The following PCDH10 variants were observed in gnomAD, a reference collection of about 807,000 sequenced individuals.
PCDH10 encodes the protein protocadherin-10.
PCDH10 carries 15 observed loss-of-function variants against 74.4 expected under a neutral mutation model. That is an observed-to-expected ratio of 0.20 (90% CI 0.13 to 0.31). PCDH10 has a LOEUF of 0.31. Ranked by LOEUF, PCDH10 falls within the 10% of genes least tolerant of loss-of-function variation. PCDH10 has a pLI of 1.00. For missense variants in PCDH10, 1,260 were observed against 1,390.2 expected, an observed-to-expected ratio of 0.91 and a Z score of 1.49; for synonymous variants, 619 against 589.8, an observed-to-expected ratio of 1.05 and a Z score of -0.72.
At chr4:133,162,192 G>A (rs1050802159) in intron 3 of PCDH10, among the ~76,000 whole-genome samples, 5 of 152,080 alleles carry the variant, frequency 3.3e-5, no homozygotes, top group East Asian at 1.9e-4. Context: ...AAGTAATAAC[G>A]TATTTGTCAA....
Position 133,151,233 on chromosome 4 carries a change from G to A in PCDH10, c.1093G>A (p.Glu365Lys), listed in dbSNP as rs200452344. ...AGAGATCAGCTTCAGCACCGTGAAGGAAGCGGTGAGTGAGGGCGCGGCGCC... is the reference window on the plus strand; with the variant it reads ...AGAGATCAGCTTCAGCACCGTGAAGAAAGCGGTGAGTGAGGGCGCGGCGCC... ...APEISFSTVK[E>K]AVSEGAAPGT... is the part of the protein sequence containing the mutation. Residue 365 changes from glutamate to lysine, a missense_variant, in exon 1 of 5, where the codon GAA becomes AAA. By Grantham distance (56) the Glu-to-Lys change is moderately conservative. Transcript: ENST00000264360. The A allele has an allele frequency of 2.4e-5, 39 of 1,614,152 alleles. No individual in the cohort carries two copies. Among genetic ancestry groups the A allele is most frequent in the Non-Finnish European group, 3.3e-5 (39 of 1,180,026 alleles).
chr4:133,168,640 G>C (rs1727137103), intron 4 of PCDH10, among the ~76,000 whole-genome samples: 1 of 151,464 alleles, frequency 6.6e-6, no homozygotes, highest in Non-Finnish European at 1.5e-5. Context: ...GCTAAAATCT[G>C]CTCCAGCTCT....
chr4:133,167,038 A>G (rs1373685551), intron 4 of PCDH10, among the ~76,000 whole-genome samples: 1 of 151,446 alleles, frequency 6.6e-6, no homozygotes, highest in Non-Finnish European at 1.5e-5. Flanking sequence ...TAGTCCAAGT[A>G]TACTAAAAAT....
chr4:133,149,941 T>TAA lies in PCDH10; in HGVS notation c.-192_-191dup. On this transcript the variant is annotated 5_prime_UTR_variant, in exon 1 of 5. The change creates a new upstream start codon in the 5' untranslated region. Transcript: ENST00000264360. The stretch of plus-strand genomic sequence containing the variant: ...CTGTCACCCTTCCTGTGCTAAGATT[T>TAA]AAAAAAAAATGAGGCTGGATTGCGG... 1.6e-6 allele frequency: 1 copy of TAA among 611,940 alleles called. No homozygotes were observed. Among genetic ancestry groups the TAA allele is most frequent in the Non-Finnish European group, 2.5e-6 (1 of 402,296 alleles). 37.9% of individuals were successfully genotyped at this position (611,940 alleles called of 1,614,324 possible). A position where few individuals can be genotyped will look rare whatever the true frequency, so the allele number is the denominator to read the frequency against.
chr4:133,200,977 A>T (rs1727897216), intron 2 of PCDH10, among the ~76,000 whole-genome samples: 1 of 141,864 alleles, frequency 7.0e-6, no homozygotes. Context: ...TTGGCCTAAA[A>T]AACTAAAGAC....
rs185908300 is a variant in PCDH10, at chr4:133,174,530, G to A, written c.3103+11248G>A. Among the ~76,000 whole-genome samples, 382 of 151,742 alleles carry A rather than the reference G, an allele frequency of 2.5e-3. 2 individuals carry two copies. The highest frequency in any genetic ancestry group is 8.7e-3 in the African/African-American group (363 of 41,506). On this transcript the variant is annotated intron_variant, in intron 4 of 4. Transcript: ENST00000264360. ...AAGACAAAATAAAGACATCACTTTTGTAAATTGTTACAAGGTGACAGTTCT... is the reference window on the plus strand; with the variant it reads ...AAGACAAAATAAAGACATCACTTTTATAAATTGTTACAAGGTGACAGTTCT...
At chr4:133,174,995 A>C (rs1727264305) in intron 4 of PCDH10, among the ~76,000 whole-genome samples, 1 of 151,530 alleles carries the variant, frequency 6.6e-6, no homozygotes, top group African/African-American at 2.4e-5. Context: ...TTCCTTGATA[A>C]TGTAAATCAC....
Position 133,151,486 on chromosome 4 carries a change from T to C in PCDH10, c.1346T>C (p.Ile449Thr). The C allele has an allele frequency of 3.7e-6, 6 of 1,613,964 alleles. No individual in the cohort carries two copies. The highest frequency in any genetic ancestry group is 5.1e-6 in the Non-Finnish European group (6 of 1,180,020). ...CCTGCGCTCTCCACCAGTAAGTCGA[T>C]CCAGGTACAAGTGTCGGATGTGAAC... ...GEPALSTSKSIQVQVSDVNDN... is the reference protein window; with the variant it reads ...GEPALSTSKSTQVQVSDVNDN... Residue 449 changes from isoleucine (I) to threonine (T), a missense_variant, in exon 1 of 5, where the codon ATC (isoleucine) becomes ACC (threonine). Around this residue, in one of 11 missense-constraint regions of PCDH10, gnomAD observed 112 missense variants for 123.6 expected, o/e 0.91. Coordinates refer to ENST00000264360, the MANE Select transcript of PCDH10 (RefSeq NM_032961.3).
chr4:133,164,062 G>A (rs1727031160), intron 4 of PCDH10: 1 of 454,528 alleles, frequency 2.2e-6, no homozygotes, highest in African/African-American at 2.0e-5. Context: ...ACAACAATAG[G>A]TGGTGTTTTA....
intron 3 of PCDH10, among the ~76,000 whole-genome samples, chr4:133,162,142 A>C (rs551633098): frequency 1.3e-5 from 2 of 152,090 alleles, no homozygotes; most frequent in Non-Finnish European, 2.9e-5. Flanking sequence ...TAAGCAAACA[A>C]CTCTTTGTTG....
intron 3 of PCDH10, among the ~76,000 whole-genome samples, chr4:133,160,296 T>C (rs1726941124): frequency 6.6e-6 from 1 of 151,934 alleles, no homozygotes; most frequent in South Asian, 2.1e-4. Context: ...CTAAAGGACT[T>C]CCACTTTAAA....
chr4:133,200,921 A>G (rs1727896112), intron 2 of PCDH10, among the ~76,000 whole-genome samples: 1 of 152,204 alleles, frequency 6.6e-6, no homozygotes. Flanking sequence ...AGTTCTTGCT[A>G]TGTTCACCCA....
chr4:133,181,138 A>C, intron 4 of PCDH10, among the ~76,000 whole-genome samples: 1 of 151,978 alleles, frequency 6.6e-6, no homozygotes, highest in East Asian at 1.9e-4. Flanking sequence ...TTAATATGCT[A>C]TATCCATCTC....
chr4:133,160,456 C>A (rs1578562349), intron 3 of PCDH10, among the ~76,000 whole-genome samples: 1 of 148,606 alleles, frequency 6.7e-6, no homozygotes, highest in East Asian at 2.0e-4. Context: ...AATACAGATT[C>A]TCAACTTGTG....
chr4:133,196,125 G>C (rs1036032316), downstream of PCDH10, among the ~76,000 whole-genome samples: 1 of 152,148 alleles, frequency 6.6e-6, no homozygotes, highest in Non-Finnish European at 1.5e-5. Flanking sequence ...CTGCCTAACA[G>C]GTTCACCTTG....
chr4:133,188,566 G>GTTCTGAT (rs750095377), intron 4 of PCDH10, among the ~76,000 whole-genome samples: 5 of 148,114 alleles, frequency 3.4e-5, no homozygotes, highest in Non-Finnish European at 7.4e-5. Context: ...TACAAAATAT[G>GTTCTGAT]TTCTGATTAC....
intron 4 of PCDH10, chr4:133,163,825 T>A (rs1727025229): frequency 2.5e-6 from 1 of 400,756 alleles, no homozygotes; most frequent in Non-Finnish European, 4.8e-6. Context: ...AGATTGTAGA[T>A]ATGTCATTTC....
intron 4 of PCDH10, among the ~76,000 whole-genome samples, chr4:133,170,240 A>T (rs1336096475): frequency 6.6e-6 from 1 of 152,134 alleles, no homozygotes; most frequent in Non-Finnish European, 1.5e-5. Flanking sequence ...ATGTATATAC[A>T]TTATGTATGG....
At chr4:133,179,712 A>T (rs909370159) in intron 4 of PCDH10, among the ~76,000 whole-genome samples, 3 of 152,134 alleles carry the variant, frequency 2.0e-5, no homozygotes, top group Admixed American at 2.0e-4. Flanking sequence ...TTGTGAAACA[A>T]TTGTTGGTCC....
Sources: allele counts gnomAD v4.1 joint callset (sites outside exome capture counted in the v4.1 genomes callset), GRCh38; gene constraint gnomAD v4.1.1; regional missense constraint gnomAD v4.1.1; transcripts MANE v1.5; gene names NCBI Gene and HGNC (gene_info 2026-07-23, HGNC 2026-07-21).